The following CNTLN variants were observed in gnomAD, a reference collection of about 807,000 sequenced individuals.
CNTLN encodes the protein centlein, also known as centlein, centrosomal protein.
In CNTLN, 212 loss-of-function variants were observed where a neutral mutation model predicts 180.0. The observed-to-expected ratio is 1.18, with a 90% CI of 1.05 to 1.32. The LOEUF (loss-of-function observed/expected upper bound fraction) is 1.32. Among genes scored for constraint, CNTLN ranks in the 40% most tolerant of loss-of-function variants. CNTLN has a pLI of 0.00. For missense variants in CNTLN, 2,095 were observed against 1,610.9 expected (o/e 1.30, Z -5.14); for synonymous variants, 722 against 563.1 (o/e 1.28, Z -3.99).
At chr9:17,504,708 T>A (rs1052357024), downstream of CNTLN, among the ~76,000 whole-genome samples, 2 of 152,078 alleles carry the variant, frequency 1.3e-5, no homozygotes, top group African/African-American at 4.8e-5. Flanking sequence ...AATTTGAAGA[T>A]GCCACAGTAC....
chr9:17,349,406 A>G (rs1587731321), intron 12 of CNTLN, among the ~76,000 whole-genome samples: 1 of 152,316 alleles, frequency 6.6e-6, no homozygotes, highest in Admixed American at 6.5e-5. Flanking sequence ...ATGTAAGGTT[A>G]GAATCTACAA....
intron 5 of CNTLN, among the ~76,000 whole-genome samples, chr9:17,263,875 CT>C (rs1827198852): frequency 1.4e-5 from 2 of 139,076 alleles, no homozygotes; most frequent in Admixed American, 7.1e-5. Flanking sequence ...CCTTCGCCCA[CT>C]TTTTGATGGG....
chr9:17,413,564 A>G (rs1401282113), intron 16 of CNTLN, among the ~76,000 whole-genome samples: 8 of 152,194 alleles, frequency 5.3e-5, no homozygotes, highest in Admixed American at 5.2e-4. Flanking sequence ...AAAACTTAAC[A>G]GGAAGAAATT....
At chr9:17,394,415 C>T in intron 14 of CNTLN, 119 bp from the exon 15 acceptor site, 1 of 833,872 alleles carries the variant, frequency 1.2e-6, no homozygotes, top group Non-Finnish European at 1.8e-6. Context: ...AAATTAAGTA[C>T]TTTATATTTA....
chr9:17,271,246 TTTG>T (rs1022200383), intron 5 of CNTLN, among the ~76,000 whole-genome samples: 2 of 152,048 alleles, frequency 1.3e-5, no homozygotes, highest in Non-Finnish European at 2.9e-5. Context: ...CAGCACTATT[TTTG>T]TTTTTTACCT....
intron 1 of CNTLN, among the ~76,000 whole-genome samples, chr9:17,139,912 T>C (rs1817970233): frequency 6.6e-6 from 1 of 152,134 alleles, no homozygotes; most frequent in Non-Finnish European, 1.5e-5. Context: ...TGTCTCCCTG[T>C]GTTGCCCAGG....
chr9:17,375,275 G>A (rs1445676028), intron 13 of CNTLN, among the ~76,000 whole-genome samples: 1 of 152,120 alleles, frequency 6.6e-6, no homozygotes. Context: ...AGCCTGGGAA[G>A]GGTAGTTGGA....
intron 2 of CNTLN, among the ~76,000 whole-genome samples, chr9:17,223,219 A>C (rs1015692511): frequency 1.3e-5 from 2 of 151,964 alleles, no homozygotes; most frequent in Non-Finnish European, 2.9e-5. Context: ...TGGATTGTTT[A>C]TTTCTGGAAC....
chr9:17,139,718 T>C (rs960102813), intron 1 of CNTLN, among the ~76,000 whole-genome samples: 3 of 152,118 alleles, frequency 2.0e-5, no homozygotes, highest in Non-Finnish European at 4.4e-5. Context: ...TTGTTTTCAT[T>C]TTATTTGTGA....
chr9:17,160,902 A>G (rs1369215034), intron 2 of CNTLN, among the ~76,000 whole-genome samples: 2 of 152,172 alleles, frequency 1.3e-5, no homozygotes, highest in South Asian at 2.1e-4. Context: ...TCAGGTATCA[A>G]TTGAATGTCA....
rs1160359598 is a variant in CNTLN at position 17,495,042 on chromosome 9, C to A, written c.4120-7509C>A. 3 of 391,102 alleles carry A rather than the reference C, an allele frequency of 7.7e-6. No homozygotes were observed. The East Asian group carries it at 2.3e-4, about 29-fold the overall frequency. The allele number at this position is 391,102 out of a possible 1,614,324, so 24.2% of individuals were successfully genotyped here. A position where few individuals can be genotyped will look rare whatever the true frequency, so the allele number is the denominator to read the frequency against. On this transcript the variant is annotated intron_variant, in intron 25 of 25. Coordinates refer to ENST00000380647, the MANE Select transcript of CNTLN (RefSeq NM_017738.4). ...TACAGGTGCGTGCCACCATGCCCAGCTAATTTTTTTTATCTTTTGCAGAGA... is the reference window on the plus strand; with the variant it reads ...TACAGGTGCGTGCCACCATGCCCAGATAATTTTTTTTATCTTTTGCAGAGA...
chr9:17,342,481 A>G, intron 12 of CNTLN, 37 bp downstream of exon 12: 1 of 1,550,902 alleles, frequency 6.4e-7, no homozygotes. Context: ...CTTAGATAAA[A>G]TACTTGGGAG....
intron 12 of CNTLN, among the ~76,000 whole-genome samples, chr9:17,355,013 C>G (rs1822716070): frequency 6.6e-6 from 1 of 151,486 alleles, no homozygotes; most frequent in Non-Finnish European, 1.5e-5. Flanking sequence ...CACTCCTGAG[C>G]CAGCGAGACC....
chr9:17,472,588 G>A (rs1432785946), intron 23 of CNTLN, among the ~76,000 whole-genome samples: 1 of 152,058 alleles, frequency 6.6e-6, no homozygotes, highest in Admixed American at 6.6e-5. Flanking sequence ...ACCTTAGGGA[G>A]CATTTGGAAA....
chr9:17,369,088 A>T (rs1470216808), intron 13 of CNTLN, among the ~76,000 whole-genome samples: 1 of 152,196 alleles, frequency 6.6e-6, no homozygotes, highest in Non-Finnish European at 1.5e-5. Flanking sequence ...CCACGTGTCA[A>T]AAGAGAGACC....
intron 18 of CNTLN, among the ~76,000 whole-genome samples, chr9:17,429,311 G>A (rs1387155298): frequency 1.3e-5 from 2 of 151,950 alleles, no homozygotes; most frequent in East Asian, 1.9e-4. Context: ...GAAGTTCCCC[G>A]TGATAGATTC....
intron 8 of CNTLN, among the ~76,000 whole-genome samples, chr9:17,321,726 C>A (rs1278811739): frequency 6.6e-6 from 1 of 152,088 alleles, no homozygotes; most frequent in Non-Finnish European, 1.5e-5. Flanking sequence ...TACTTGGGCT[C>A]AGAATGCTGG....
intron 18 of CNTLN, among the ~76,000 whole-genome samples, chr9:17,426,474 C>A (rs1180946443): frequency 2.0e-5 from 3 of 151,976 alleles, no homozygotes; most frequent in Non-Finnish European, 4.4e-5. Context: ...CTACATCTTA[C>A]ATATTGTTAT....
At position 17,442,588 on chromosome 9, in the gene CNTLN, A is replaced by G. The variant is rs1301986510; in HGVS notation, c.3115-14936A>G. Among the ~76,000 whole-genome samples the G allele has an allele frequency of 2.0e-5, 3 of 152,152 alleles. No individual in the cohort carries two copies. In the East Asian group the frequency reaches 5.8e-4, roughly 30 times the overall value. On this transcript the variant is annotated intron_variant, in intron 18 of 25. Coordinates refer to ENST00000380647, the MANE Select transcript of CNTLN (RefSeq NM_017738.4). ...TAATTTTTTGTATTTTTGGAGAGAC[A>G]AGGTTTCGCCATGTTGACCAGGCTG...
Sources: gnomAD v4.1 joint callset for allele counts (sites outside exome capture counted in the v4.1 genomes callset) on GRCh38, gnomAD v4.1.1 for gene constraint, MANE v1.5 for transcripts, NCBI Gene and HGNC (gene_info 2026-07-23, HGNC 2026-07-21) for gene names.